FOCAD: variants seen among roughly 807,000 people sequenced by gnomAD.
The protein encoded by FOCAD is KIAA1797.
A neutral mutation model predicts 225.6 loss-of-function variants in FOCAD; 198 were observed. That is an observed-to-expected ratio of 0.88 (90% CI 0.78 to 0.99). The LOEUF is 0.99. Among genes scored for constraint, FOCAD ranks in the 50% least tolerant of loss-of-function variants. The pLI is 0.00. For synonymous variants in FOCAD, 897 were observed against 755.0 expected (o/e 1.19, Z -3.08); for missense variants, 2,713 against 2,123.6 (o/e 1.28, Z -5.46).
chr9:20,874,034 T>G (rs1162910265), intron 18 of FOCAD: 1 of 152,192 alleles, frequency 6.6e-6, no homozygotes, highest in Non-Finnish European at 1.5e-5. Flanking sequence ...ACATTTTTAA[T>G]TTTTGGTTCA....
At chr9:20,752,803 C>T (rs998076965) in intron 5 of FOCAD, among the ~76,000 whole-genome samples, 9 of 152,034 alleles carry the variant, frequency 5.9e-5, no homozygotes, top group African/African-American at 1.9e-4. Context: ...ATGGAAAGTT[C>T]TTCCATTTGT....
At chr9:20,810,538 A>G (rs1822946199) in intron 11 of FOCAD, among the ~76,000 whole-genome samples, 1 of 152,274 alleles carries the variant, frequency 6.6e-6, no homozygotes, top group Middle Eastern at 3.4e-3. Context: ...AGGAAATTCT[A>G]TGGATACAGG....
chr9:20,697,914 C>T (rs1275951497), intron 1 of FOCAD, among the ~76,000 whole-genome samples: 2 of 152,166 alleles, frequency 1.3e-5, no homozygotes, highest in African/African-American at 4.8e-5. Context: ...ATTCTGTTAG[C>T]TTACTTGTTT....
chr9:20,895,638 A>G (rs1045337429), intron 21 of FOCAD, among the ~76,000 whole-genome samples: 2 of 151,770 alleles, frequency 1.3e-5, no homozygotes, highest in African/African-American at 4.8e-5. Context: ...GTGTTAATGT[A>G]AACGCTATTG....
chr9:20,958,831 C>T (rs569852610), intron 35 of FOCAD, among the ~76,000 whole-genome samples: 1 of 152,258 alleles, frequency 6.6e-6, no homozygotes, highest in African/African-American at 2.4e-5. Flanking sequence ...AACATAACGT[C>T]TTGCATTTCT....
chr9:20,714,140 TA>T (rs889309929), intron 1 of FOCAD, among the ~76,000 whole-genome samples: 10 of 151,446 alleles, frequency 6.6e-5, no homozygotes, highest in South Asian at 4.2e-4. Context: ...GATTTGGATT[TA>T]AAAAAAAAAT....
rs368914954 is a variant in FOCAD at position 20,714,046 on chromosome 9, C to T, written c.-32-1276C>T. Among the ~76,000 whole-genome samples the T allele has an allele frequency of 9.2e-5, 14 of 152,236 alleles. No homozygotes were observed. The South Asian group carries it at 2.7e-3, about 29-fold the overall frequency. ...AAAATACCAGGATAAATTACCCATT[C>T]AGGGAGTTTAGCTTTGGATAAAAGG... On this transcript the variant is annotated intron_variant, in intron 1 of 43. Transcript: ENST00000338382.
intron 10 of FOCAD, among the ~76,000 whole-genome samples, chr9:20,783,264 G>T (rs1384361815): frequency 6.6e-6 from 1 of 152,086 alleles, no homozygotes. Context: ...AAGAGGAGGG[G>T]CAGAATTACT....
At position 20,742,014 on chromosome 9, in the gene FOCAD, A is replaced by C. The variant is rs1827662185; in HGVS notation, c.392+1674A>C. ...CCCATTTAAAATGTATGATTCAGTG[A>C]CTTTTACTCCATTCACAAAGTTATG... On this transcript the variant is annotated intron_variant, in intron 5 of 43. Coordinates refer to ENST00000338382, the MANE Select transcript of FOCAD (RefSeq NM_001375567.1). 3.3e-5 allele frequency among the ~76,000 whole-genome samples: 5 copies of C among 152,156 alleles called. 1 individual carries two copies. The South Asian group carries it at 1.0e-3, about 32-fold the overall frequency.
chr9:20,838,223 T>C (rs1413478470), intron 15 of FOCAD, among the ~76,000 whole-genome samples: 1 of 152,054 alleles, frequency 6.6e-6, no homozygotes, highest in Non-Finnish European at 1.5e-5. Context: ...ATGTTTTGAG[T>C]ATACATTAGT....
intron 2 of FOCAD, among the ~76,000 whole-genome samples, chr9:20,670,388 A>G: frequency 6.6e-6 from 1 of 152,242 alleles, no homozygotes; most frequent in East Asian, 1.9e-4. Flanking sequence ...CTGGGTAATT[A>G]TAAACAAAAG....
chr9:20,734,638 T>C (rs1020493240), intron 4 of FOCAD, among the ~76,000 whole-genome samples: 3 of 151,858 alleles, frequency 2.0e-5, no homozygotes, highest in African/African-American at 2.4e-5. Context: ...ACATACAGTA[T>C]AATATTGTCT....
intron 8 of FOCAD, 38 bp downstream of exon 8, chr9:20,770,276 T>C: frequency 6.5e-7 from 1 of 1,528,608 alleles, no homozygotes; most frequent in Non-Finnish European, 9.0e-7. Flanking sequence ...CATGCATTGC[T>C]ATTAAGAAAT....
Position 20,753,407 on chromosome 9 carries a change from A to G in FOCAD, c.393-4683A>G, listed in dbSNP as rs537148539. The stretch of plus-strand genomic sequence containing the variant: ...TTTGTCAAAGGCCTTTTCTGCATCT[A>G]TTGAGATAATCATGTGGTTTTTGTC... On this transcript the variant is annotated intron_variant, in intron 5 of 43. Transcript: ENST00000338382. Among the ~76,000 whole-genome samples the G allele has an allele frequency of 1.6e-3, 237 of 151,986 alleles. 1 individual carries two copies. The highest frequency in any genetic ancestry group is 5.3e-3 in the African/African-American group (219 of 41,462).
At chr9:20,749,524 A>G (rs1828357692) in intron 5 of FOCAD, among the ~76,000 whole-genome samples, 1 of 152,180 alleles carries the variant, frequency 6.6e-6, no homozygotes, top group Non-Finnish European at 1.5e-5. Flanking sequence ...AAATCTGCAG[A>G]TTAAAAAAAT....
intron 7 of FOCAD, among the ~76,000 whole-genome samples, chr9:20,766,680 T>C (rs986570617): frequency 6.6e-6 from 1 of 152,096 alleles, no homozygotes; most frequent in Non-Finnish European, 1.5e-5. Flanking sequence ...CTTATTTTTT[T>C]CTTCACTTTC....
rs561188211 is a variant in FOCAD at position 20,951,526 on chromosome 9, T to C, written c.4051+428T>C. Among the ~76,000 whole-genome samples, 11 of 152,270 alleles carry C rather than the reference T, an allele frequency of 7.2e-5. No homozygotes were observed. The South Asian group carries it at 2.3e-3, about 32-fold the overall frequency. On this transcript the variant is annotated intron_variant, in intron 34 of 43. Transcript: ENST00000338382. ...AACAGATTTATTTTACTAGATGTAA[T>C]GGTAGTTTGTATAGTATTCATGTTT...
intron 35 of FOCAD, among the ~76,000 whole-genome samples, chr9:20,959,431 A>G (rs1272722844): frequency 6.6e-6 from 1 of 152,124 alleles, no homozygotes; most frequent in East Asian, 1.9e-4. Context: ...CATATTCTGG[A>G]TATTAGTCCC....
chr9:20,906,283 G>T (rs1250456537), intron 21 of FOCAD, among the ~76,000 whole-genome samples: 3 of 151,444 alleles, frequency 2.0e-5, no homozygotes, highest in African/African-American at 7.3e-5. Flanking sequence ...TAGTTATCAT[G>T]ATTCTGGTGT....
Sources: gnomAD v4.1 joint callset for allele counts (sites outside exome capture counted in the v4.1 genomes callset) on GRCh38, gnomAD v4.1.1 for gene constraint, MANE v1.5 for transcripts, NCBI Gene and HGNC (gene_info 2026-07-23, HGNC 2026-07-21) for gene names.